The following GALNT13 variants were observed in gnomAD, a reference collection of about 807,000 sequenced individuals.
GALNT13 encodes the protein UDP-GalNAc:polypeptide N-acetylgalactosaminyltransferase 13.
Under a neutral mutation model 64.2 loss-of-function variants are expected in GALNT13, and 28 were observed. That is an observed-to-expected ratio of 0.44 (90% CI 0.32 to 0.60). The LOEUF (loss-of-function observed/expected upper bound fraction) is 0.60. Ranked by LOEUF, GALNT13 falls within the 20% of genes least tolerant of loss-of-function variation. The pLI is 0.05. For missense variants in GALNT13, 577 were observed against 669.8 expected, an observed-to-expected ratio of 0.86 and a Z score of 1.53; for synonymous variants, 214 against 224.6, an observed-to-expected ratio of 0.95 and a Z score of 0.42.
At chr2:154,329,172 C>T (rs960806671) in intron 9 of GALNT13, among the ~76,000 whole-genome samples, 1 of 152,144 alleles carries the variant, frequency 6.6e-6, no homozygotes, top group Non-Finnish European at 1.5e-5. Flanking sequence ...ATGGCGCAAT[C>T]TCGGCTCACT....
chr2:154,417,145 A>C (rs1574267406), intron 11 of GALNT13, among the ~76,000 whole-genome samples: 2 of 152,032 alleles, frequency 1.3e-5, no homozygotes, highest in East Asian at 3.9e-4. Context: ...ATTGCCTCAG[A>C]CTTGAATTAC....
At chr2:153,090,054 T>C in the GALNT13 span, among the ~76,000 whole-genome samples, 9 of 152,182 alleles carry the variant, frequency 5.9e-5, no homozygotes, top group African/African-American at 1.9e-4. Flanking sequence ...TCTTCTAAGT[T>C]GGATATATTA....
the GALNT13 span, among the ~76,000 whole-genome samples, chr2:153,130,774 T>C: frequency 6.6e-6 from 1 of 152,176 alleles, no homozygotes; most frequent in Non-Finnish European, 1.5e-5. Context: ...TTGTAATGTT[T>C]CCTTCTGAAT....
intron 8 of GALNT13, among the ~76,000 whole-genome samples, chr2:154,262,225 G>A (rs776232107): frequency 5.3e-5 from 8 of 152,080 alleles, no homozygotes; most frequent in Non-Finnish European, 1.0e-4. Context: ...GAGTTGACCC[G>A]CAGCATTCTG....
At chr2:153,251,249 T>A in the GALNT13 span, among the ~76,000 whole-genome samples, 1 of 152,326 alleles carries the variant, frequency 6.6e-6, no homozygotes. Context: ...ATAATTCTAA[T>A]ATGACTTAGT....
intron 3 of GALNT13, among the ~76,000 whole-genome samples, chr2:154,091,083 T>C (rs972094834): frequency 1.3e-5 from 2 of 151,980 alleles, no homozygotes; most frequent in Admixed American, 1.3e-4. Flanking sequence ...TGTGATAATA[T>C]GCAGTAACTG....
intron 1 of GALNT13, among the ~76,000 whole-genome samples, chr2:153,874,680 C>T (rs953823088): frequency 9.9e-5 from 15 of 152,090 alleles, no homozygotes; most frequent in African/African-American, 3.6e-4. Flanking sequence ...GAGCCTGCAG[C>T]TAAATTCCAC....
At chr2:154,418,587 G>A (rs1166214836) in intron 11 of GALNT13, among the ~76,000 whole-genome samples, 1 of 152,168 alleles carries the variant, frequency 6.6e-6, no homozygotes, top group Non-Finnish European at 1.5e-5. Context: ...ACCCTCTGGA[G>A]GGAAAGAGGC....
At chr2:154,442,313 G>A (rs1485656742) in intron 12 of GALNT13, among the ~76,000 whole-genome samples, 2 of 152,046 alleles carry the variant, frequency 1.3e-5, no homozygotes, top group Non-Finnish European at 2.9e-5. Context: ...GTAATTGAAT[G>A]AAACTAAGCA....
At chr2:154,065,734 A>G (rs568108937) in intron 3 of GALNT13, among the ~76,000 whole-genome samples, 4 of 152,298 alleles carry the variant, frequency 2.6e-5, no homozygotes, top group East Asian at 3.9e-4. Flanking sequence ...ATTCAAAATC[A>G]TAGGAAGTCT....
At chr2:154,121,593 T>G (rs1046445594) in intron 3 of GALNT13, among the ~76,000 whole-genome samples, 1 of 152,158 alleles carries the variant, frequency 6.6e-6, no homozygotes, top group African/African-American at 2.4e-5. Flanking sequence ...ATTTAATTGT[T>G]AAATATTAAG....
chr2:153,753,548 C>G, the GALNT13 span, among the ~76,000 whole-genome samples: 6 of 152,172 alleles, frequency 3.9e-5, no homozygotes, highest in African/African-American at 1.4e-4. Context: ...CTCTGGATTA[C>G]CAGGCAGAGA....
At chr2:154,155,537 A>C (rs1684362674) in intron 4 of GALNT13, among the ~76,000 whole-genome samples, 2 of 152,060 alleles carry the variant, frequency 1.3e-5, no homozygotes, top group Admixed American at 1.3e-4. Context: ...AAATTGTTCT[A>C]ATGCCAGCTT....
chr2:154,153,103 G>GT (rs1427068377), intron 4 of GALNT13, among the ~76,000 whole-genome samples: 2 of 152,128 alleles, frequency 1.3e-5, no homozygotes, highest in Admixed American at 1.3e-4. Context: ...GTACAGATGG[G>GT]TTTTTGGTGT....
intron 3 of GALNT13, among the ~76,000 whole-genome samples, chr2:154,115,508 C>T (rs1703245345): frequency 6.6e-6 from 1 of 152,034 alleles, no homozygotes. Context: ...GCAACTTCTG[C>T]CTCCCAGGTT....
intron 3 of GALNT13, among the ~76,000 whole-genome samples, chr2:154,026,146 T>G (rs764913160): frequency 6.6e-6 from 1 of 152,174 alleles, no homozygotes. Context: ...GGAAAGTTAC[T>G]TGAAGTGAGA....
chr2:153,651,787 C>T, the GALNT13 span, among the ~76,000 whole-genome samples: 6 of 152,102 alleles, frequency 3.9e-5, no homozygotes, highest in East Asian at 1.2e-3. Context: ...AGCAAAATGC[C>T]ATTGGATTGA....
At chr2:153,328,542 C>T in the GALNT13 span, among the ~76,000 whole-genome samples, 3 of 152,144 alleles carry the variant, frequency 2.0e-5, no homozygotes, top group African/African-American at 7.2e-5. Context: ...GCTACAGTGG[C>T]TTTGCCATGC....
chr2:153,773,174 T>A, the GALNT13 span, among the ~76,000 whole-genome samples: 4 of 152,196 alleles, frequency 2.6e-5, no homozygotes, highest in Non-Finnish European at 4.4e-5. Flanking sequence ...TTGGACAAGG[T>A]TGCAGACTGG....
Sources: allele counts gnomAD v4.1 joint callset (sites outside exome capture counted in the v4.1 genomes callset), GRCh38; gene constraint gnomAD v4.1.1; transcripts MANE v1.5; gene names NCBI Gene and HGNC (gene_info 2026-07-23, HGNC 2026-07-21).